Variants in TTN observed in about 807,000 individuals in gnomAD.
The protein encoded by TTN is titin.
In TTN, 1,525 loss-of-function variants were observed where a neutral mutation model predicts 3,223.0. That is an observed-to-expected ratio of 0.47 (90% CI 0.45 to 0.49). The LOEUF (loss-of-function observed/expected upper bound fraction) is 0.49, where lower values mean the gene tolerates loss of function less well. Among genes scored for constraint, TTN ranks in the 20% least tolerant of loss-of-function variants. The pLI is 0.00. For missense variants in TTN, 40,786 were observed against 43,424.0 expected (o/e 0.94, Z 5.40); for synonymous variants, 14,094 against 15,161.0 (o/e 0.93, Z 5.17).
chr2:178,793,606 C>G, intron 8 of TTN, 65 bp from the exon 9 acceptor site: 2 of 1,602,132 alleles, frequency 1.2e-6, no homozygotes, highest in Non-Finnish European at 1.7e-6. Flanking sequence ...AGTTCAAGAC[C>G]AGCCTCGCCA....
Position 178,587,175 on chromosome 2 carries a change from A to T in TTN, c.64036T>A (p.Tyr21346Asn). The change falls in exon 307 of 363, where the codon TAT (tyrosine) becomes AAT (asparagine). Residue 21346 changes from tyrosine (Y) to asparagine (N), a missense_variant. Tyr to Asn is a moderately radical substitution (Grantham distance 143). Transcript: ENST00000589042. ...ACATCTGTTGGGACGCCAGGGCCAT[A>T]TTCGTTGACAGCAGTTACTCTGAAG... ...YYFRVTAVNE[Y>N]GPGVPTDVPK... 1 of 1,613,300 alleles carries T rather than the reference A, an allele frequency of 6.2e-7. No individual in the cohort carries two copies. The highest frequency in any genetic ancestry group is 1.1e-5 in the South Asian group (1 of 91,074).
rs1420311803 is a variant in TTN, at chr2:178,677,531, T to C, written c.34291+90A>G. 4.5e-6 allele frequency: 6 copies of C among 1,340,870 alleles called. No homozygotes were observed. The Admixed American group carries it at 8.1e-5, about 18-fold the overall frequency. The allele number at this position is 1,340,870 out of a possible 1,614,324, so 83.1% of individuals were successfully genotyped here. A position where few individuals can be genotyped will look rare whatever the true frequency, so the allele number is the denominator to read the frequency against. ...GTGGTCAATCACAGAGGGTAAAGGA[T>C]TATAGATAAAACTGGAGATGAACAA... On this transcript the variant is annotated intron_variant, in intron 146 of 362. Coordinates refer to ENST00000589042, the MANE Select transcript of TTN (RefSeq NM_001267550.2).
At chr2:178,746,643 A>C in intron 47 of TTN, 1 of 1,612,514 alleles carries the variant, frequency 6.2e-7, no homozygotes, top group South Asian at 1.1e-5. Context: ...TGACACATGT[A>C]CTCTCCCCCT....
chr2:178,741,233 G>T lies in TTN; in HGVS notation c.12000C>A (p.Asp4000Glu). Residue 4000 changes from aspartate to glutamate, a missense_variant, in exon 48 of 363, where the codon GAC becomes GAA. By Grantham distance (45) the Asp-to-Glu change is conservative. Transcript: ENST00000589042. ...PNGSGTFIVN[D>E]PQREDSGLYI... is the part of the protein sequence containing the mutation. ...AGAGGCCACTGTCTTCCCTCTGAGGGTCATTGACAATGAAAGTTCCAGAGC... is the reference window on the plus strand; with the variant it reads ...AGAGGCCACTGTCTTCCCTCTGAGGTTCATTGACAATGAAAGTTCCAGAGC... 1 of 1,613,494 alleles carries T rather than the reference G, an allele frequency of 6.2e-7. No individual in the cohort carries two copies. Among genetic ancestry groups the T allele is most frequent in the Non-Finnish European group, 8.5e-7 (1 of 1,179,826 alleles).
intron 359 of TTN, chr2:178,529,427 C>G (rs775251087): frequency 1.2e-5 from 5 of 411,650 alleles, no homozygotes; most frequent in Non-Finnish European, 2.1e-5. Context: ...TTAAACTAAA[C>G]TGAGCCAAAG....
rs1160198369 is a variant in TTN, at chr2:178,534,756, A to T, written c.101859T>A (p.Ser33953=). The change falls in exon 358 of 363, where the codon TCT becomes TCA. Residue 33953 remains serine, a synonymous_variant. Coordinates refer to ENST00000589042, the MANE Select transcript of TTN (RefSeq NM_001267550.2). The part of the protein sequence containing the change: ...ENIIYQTRRS[S]TIKIIEFGQA... ...GACCAAATTCTATGATTTTAATGGT[A>T]GAGCTTCTTCTGGTTTGGTAAATGA... is the stretch of plus-strand genomic sequence containing the variant. 1.9e-6 allele frequency: 3 copies of T among 1,613,702 alleles called. No individual in the cohort carries two copies. The highest frequency in any genetic ancestry group is 2.5e-6 in the Non-Finnish European group (3 of 1,179,718).
rs1450558038 is a variant in TTN, at chr2:178,679,286, T to C, written c.33742+53A>G. 3.2e-6 allele frequency: 5 copies of C among 1,575,666 alleles called. No individual in the cohort carries two copies. The East Asian group carries it at 6.7e-5, about 21-fold the overall frequency. ...AGATCTGCTATGGCTCACCAAGTTA[T>C]GCTGCATGGGTGAATTATCATGCTA... On this transcript the variant is annotated intron_variant, in intron 142 of 362. Transcript: ENST00000589042.
chr2:178,635,129 T>C, intron 228 of TTN, 36 bp downstream of exon 228: 1 of 1,606,970 alleles, frequency 6.2e-7, no homozygotes. Flanking sequence ...GTGGTTATTT[T>C]ATATGACTAA....
intron 222 of TTN, 80 bp downstream of exon 222, chr2:178,639,968 T>G: frequency 6.5e-7 from 1 of 1,538,062 alleles, no homozygotes; most frequent in Non-Finnish European, 8.9e-7. Flanking sequence ...GACTTTCACC[T>G]ACTATCTTTT....
Position 178,745,425 on chromosome 2 carries a change from A to G in TTN, c.11312-3504T>C. On this transcript the variant is annotated intron_variant, in intron 47 of 362. Transcript: ENST00000589042. ...CAAAATATTTACATGTATTACAAAG[A>G]TGAGATTTCTACATAGAGATTATTT... The G allele has an allele frequency of 2.1e-6, 3 of 1,449,280 alleles. No homozygotes were observed. In the South Asian group the frequency reaches 4.3e-5, roughly 21 times the overall value. The allele number at this position is 1,449,280 out of a possible 1,614,324, so 89.8% of individuals were successfully genotyped here. A position where few individuals can be genotyped will look rare whatever the true frequency, so the allele number is the denominator to read the frequency against.
intron 282 of TTN, 92 bp from the exon 283 acceptor site, chr2:178,602,682 A>G (rs566535049): frequency 1.1e-6 from 1 of 927,722 alleles, no homozygotes; most frequent in African/African-American, 1.7e-5. Context: ...TATTATTTTA[A>G]TCTATTAAAA....
chr2:178,664,167 C>G, intron 168 of TTN, 69 bp from the exon 169 acceptor site: 1 of 1,460,318 alleles, frequency 6.8e-7, no homozygotes, highest in Non-Finnish European at 9.3e-7. Context: ...AAGACATTTT[C>G]AAGAACAAAA....
chr2:178,758,823 G>A, intron 44 of TTN, 161 bp downstream of exon 44: 2 of 743,206 alleles, frequency 2.7e-6, no homozygotes, highest in Non-Finnish European at 4.6e-6. Context: ...AAGTGGTAAA[G>A]GAGAGGCGAG....
rs1488258025 is a variant in TTN, at chr2:178,605,521, T to G, written c.53774A>C (p.Glu17925Ala). ...RLCPTTSFLV[E>A]NLDEHQMYEF... Reference sequence around the variant, plus strand: ...ATACATTTGGTGTTCATCAAGATTTTCAACCAGAAAAGATGTGGTTGGGCA... The same window carrying G: ...ATACATTTGGTGTTCATCAAGATTTGCAACCAGAAAAGATGTGGTTGGGCA... The change falls in exon 279 of 363, where the codon GAA becomes GCA. Residue 17925 changes from glutamate to alanine, a missense_variant. Coordinates refer to ENST00000589042, the MANE Select transcript of TTN (RefSeq NM_001267550.2). 1 of 1,612,346 alleles carries G rather than the reference T, an allele frequency of 6.2e-7. No homozygotes were observed. Among genetic ancestry groups the G allele is most frequent in the African/African-American group, 1.3e-5 (1 of 74,828 alleles).
intron 24 of TTN, chr2:178,778,348 T>A: frequency 3.6e-6 from 1 of 277,206 alleles, no homozygotes; most frequent in South Asian, 4.2e-5. Flanking sequence ...AATGAATACA[T>A]TTATGGAAAA....
intron 128 of TTN, 56 bp from the exon 129 acceptor site, chr2:178,685,386 A>T: frequency 2.0e-6 from 3 of 1,495,594 alleles, no homozygotes; most frequent in Non-Finnish European, 2.7e-6. Flanking sequence ...TTTCGATAAA[A>T]GTGTAAGGGA....
Position 178,714,569 on chromosome 2 carries a change from T to C in TTN, c.26205A>G (p.Pro8735=), listed in dbSNP as rs2077174135. Residue 8735 remains proline, a synonymous_variant, in exon 91 of 363, where the codon CCA becomes CCG. Transcript: ENST00000589042. ...CACTGAGCTTCTTCACAAATCTTGG[T>C]GGTGCTGATGAAAAAGGAGGAAAGC... ...TCVGSIALKA[P]PRFVKKLSDI... is the part of the protein sequence containing the mutation. 1.3e-6 allele frequency: 2 copies of C among 1,589,980 alleles called. No homozygotes were observed. The highest frequency in any genetic ancestry group is 1.7e-6 in the Non-Finnish European group (2 of 1,167,298).
chr2:178,773,734 T>C lies in TTN; in HGVS notation c.7331-9A>G. The C allele has an allele frequency of 1.2e-6, 2 of 1,614,074 alleles. No individual in the cohort carries two copies. The highest frequency in any genetic ancestry group is 2.2e-5 in the East Asian group (1 of 44,854). On this transcript the variant is annotated splice_polypyrimidine_tract_variant and intron_variant, in intron 31 of 362. Coordinates refer to ENST00000589042, the MANE Select transcript of TTN (RefSeq NM_001267550.2). ...TGTTATCACGTCCACACCTGCAAAATCATACACACACAAGATGAATGAATT... is the reference window on the plus strand; with the variant it reads ...TGTTATCACGTCCACACCTGCAAAACCATACACACACAAGATGAATGAATT...
intron 332 of TTN, 48 bp from the exon 333 acceptor site, chr2:178,554,264 A>G (rs375561779): frequency 2.0e-6 from 3 of 1,505,778 alleles, no homozygotes; most frequent in African/African-American, 2.8e-5. Context: ...CACATTACTG[A>G]TAAATTATAC....
Sources: allele counts gnomAD v4.1 joint callset, GRCh38; gene constraint gnomAD v4.1.1; transcripts MANE v1.5; gene names NCBI Gene and HGNC (gene_info 2026-07-23, HGNC 2026-07-21).